The following HPSE2 variants were observed in gnomAD, a reference collection of about 807,000 sequenced individuals.
HPSE2 encodes the protein inactive heparanase-2.
A neutral mutation model predicts 60.5 loss-of-function variants in HPSE2; 38 were observed. That is an observed-to-expected ratio of 0.63 (90% CI 0.48 to 0.82). The LOEUF (loss-of-function observed/expected upper bound fraction) is 0.82. HPSE2 is among the 40% of genes least tolerant of loss of function. HPSE2 has a pLI of 0.00. For missense variants in HPSE2, 713 were observed against 740.4 expected (o/e 0.96, Z 0.43); for synonymous variants, 295 against 293.2 (o/e 1.01, Z -0.06).
At chr10:98,824,902 C>T (rs975335279) in intron 3 of HPSE2, among the ~76,000 whole-genome samples, 1 of 152,206 alleles carries the variant, frequency 6.6e-6, no homozygotes. Context: ...CCTCAGTAGC[C>T]TGTATGTTTC....
intron 9 of HPSE2, among the ~76,000 whole-genome samples, chr10:98,527,484 C>T (rs1342324321): frequency 2.0e-5 from 3 of 152,168 alleles, no homozygotes; most frequent in Admixed American, 6.5e-5. Flanking sequence ...GGCCCCTGCG[C>T]AAGACGGTGC....
chr10:99,175,776 G>A (rs1847501708), intron 2 of HPSE2, among the ~76,000 whole-genome samples: 1 of 152,166 alleles, frequency 6.6e-6, no homozygotes, highest in Non-Finnish European at 1.5e-5. Flanking sequence ...TTATGCTAAG[G>A]TACAGACTGC....
intron 3 of HPSE2, among the ~76,000 whole-genome samples, chr10:98,788,483 C>A (rs906224452): frequency 1.4e-5 from 2 of 141,250 alleles, no homozygotes; most frequent in Non-Finnish European, 3.1e-5. Flanking sequence ...CCAGTTCGAG[C>A]TTCCCGGCTG....
intron 3 of HPSE2, among the ~76,000 whole-genome samples, chr10:98,907,745 A>T (rs1953863452): frequency 6.6e-6 from 1 of 152,172 alleles, no homozygotes; most frequent in Non-Finnish European, 1.5e-5. Flanking sequence ...TTATTGAGTC[A>T]ATCTGGATAA....
At chr10:98,922,530 T>C (rs1003909674) in intron 3 of HPSE2, among the ~76,000 whole-genome samples, 1 of 152,092 alleles carries the variant, frequency 6.6e-6, no homozygotes, top group African/African-American at 2.4e-5. Context: ...GAAACAACCA[T>C]ATGAGATTTG....
At chr10:99,285,132 T>C in the HPSE2 span, among the ~76,000 whole-genome samples, 1 of 152,002 alleles carries the variant, frequency 6.6e-6, no homozygotes, top group Non-Finnish European at 1.5e-5. Flanking sequence ...CCATTTAAAT[T>C]TTTTAAATGG....
chr10:99,075,336 CA>C (rs965043151), intron 3 of HPSE2, among the ~76,000 whole-genome samples: 17 of 151,992 alleles, frequency 1.1e-4, no homozygotes, highest in Admixed American at 5.2e-4. Context: ...GTGAATTTTC[CA>C]GTTTCCCATC....
intron 6 of HPSE2, among the ~76,000 whole-genome samples, chr10:98,654,041 T>A (rs1371561768): frequency 6.6e-6 from 1 of 152,140 alleles, no homozygotes; most frequent in East Asian, 1.9e-4. Flanking sequence ...TTTCTTATGA[T>A]ACTTCAGATC....
chr10:98,688,975 TC>T (rs1213607661), intron 6 of HPSE2, among the ~76,000 whole-genome samples: 1 of 152,142 alleles, frequency 6.6e-6, no homozygotes, highest in East Asian at 1.9e-4. Context: ...GTCATCCTTT[TC>T]CCTATATATG....
chr10:99,256,325 CT>C, the HPSE2 span, among the ~76,000 whole-genome samples: 1 of 40,878 alleles, frequency 2.4e-5, no homozygotes, highest in African/African-American at 9.0e-5. Flanking sequence ...CAAGTTTGAT[CT>C]CTTGCTCTTT....
At chr10:98,898,153 T>G (rs566213859) in intron 3 of HPSE2, among the ~76,000 whole-genome samples, 6 of 152,102 alleles carry the variant, frequency 3.9e-5, no homozygotes, top group African/African-American at 1.4e-4. Context: ...GTACTGCCAC[T>G]AAAAGACAGT....
chr10:98,897,482 A>G (rs968223748), intron 3 of HPSE2, among the ~76,000 whole-genome samples: 2 of 152,172 alleles, frequency 1.3e-5, no homozygotes, highest in African/African-American at 2.4e-5. Flanking sequence ...GACCAATAAA[A>G]TGACAGTAAT....
At chr10:99,012,884 AGCTTT>A (rs1389074127) in intron 3 of HPSE2, among the ~76,000 whole-genome samples, 5 of 152,224 alleles carry the variant, frequency 3.3e-5, no homozygotes, top group African/African-American at 1.2e-4. Flanking sequence ...TGTGATTCAC[AGCTTT>A]AATAACTTAC....
At chr10:99,286,034 C>A in the HPSE2 span, among the ~76,000 whole-genome samples, 1 of 152,156 alleles carries the variant, frequency 6.6e-6, no homozygotes, top group Non-Finnish European at 1.5e-5. Context: ...ACTTCACATG[C>A]ACTAGGTTGG....
intron 10 of HPSE2, among the ~76,000 whole-genome samples, chr10:98,484,878 GCTTAGTTTCTAA>G (rs1941382869): frequency 6.6e-6 from 1 of 152,014 alleles, no homozygotes; most frequent in African/African-American, 2.4e-5. Context: ...AGGAAAAAAT[GCTTAGTTTCTAA>G]GGGGTCCCTT....
chr10:98,952,337 T>A (rs1365654239), intron 3 of HPSE2, among the ~76,000 whole-genome samples: 2 of 151,342 alleles, frequency 1.3e-5, no homozygotes, highest in Non-Finnish European at 2.9e-5. Context: ...TGTGTGTGTG[T>A]GTGTGTGTGT....
intron 3 of HPSE2, among the ~76,000 whole-genome samples, chr10:98,974,489 A>C (rs935435015): frequency 6.6e-6 from 1 of 151,846 alleles, no homozygotes; most frequent in African/African-American, 2.4e-5. Flanking sequence ...GCTGGTCTTG[A>C]ACTCCTGACC....
At chr10:98,641,974 T>C in intron 6 of HPSE2, 34 bp from the exon 7 acceptor site, 1 of 1,562,050 alleles carries the variant, frequency 6.4e-7, no homozygotes, top group Non-Finnish European at 8.8e-7. Context: ...TCAGATAAAA[T>C]CTCAAGCAAG....
chr10:98,893,665 G>T (rs1229551956), intron 3 of HPSE2, among the ~76,000 whole-genome samples: 1 of 152,072 alleles, frequency 6.6e-6, no homozygotes, highest in Non-Finnish European at 1.5e-5. Flanking sequence ...TTAGTGAGCT[G>T]GTAAGAAAGT....
Sources: gnomAD v4.1 joint callset for allele counts (sites outside exome capture counted in the v4.1 genomes callset) on GRCh38, gnomAD v4.1.1 for gene constraint, MANE v1.5 for transcripts, NCBI Gene and HGNC (gene_info 2026-07-23, HGNC 2026-07-21) for gene names.